The following PRPF31 variants were observed in gnomAD, a reference collection of about 807,000 sequenced individuals.
The protein encoded by PRPF31 is pre-mRNA processing factor 31, also known as U4/U6 small nuclear ribonucleoprotein Prp31.
Under a neutral mutation model 60.4 loss-of-function variants are expected in PRPF31, and 12 were observed. The ratio of observed to expected loss-of-function variants is 0.20; its 90% confidence interval spans 0.13 to 0.32. The LOEUF is 0.32. Ranked by LOEUF, PRPF31 falls within the 10% of genes least tolerant of loss-of-function variation. The pLI, the probability that PRPF31 is intolerant of heterozygous loss-of-function variation, is 1.00. For missense variants in PRPF31, 431 were observed against 687.1 expected, an observed-to-expected ratio of 0.63 and a Z score of 4.17; for synonymous variants, 287 against 287.9, an observed-to-expected ratio of 1.00 and a Z score of 0.03.
chr19:54,131,463 C>A lies in PRPF31; in HGVS notation c.*31C>A. The A allele has an allele frequency of 3.1e-6, 5 of 1,613,296 alleles. No individual in the cohort carries two copies. The highest frequency in any genetic ancestry group is 4.2e-6 in the Non-Finnish European group (5 of 1,179,662). On this transcript the variant is annotated 3_prime_UTR_variant, in exon 14 of 14. Coordinates refer to ENST00000321030, the MANE Select transcript of PRPF31 (RefSeq NM_015629.4). ...TGCGTGTGTCCAAGGTGGCTTCCCACTGAAGGGACACAGAGGTCCAGTCCT... is the reference window on the plus strand; with the variant it reads ...TGCGTGTGTCCAAGGTGGCTTCCCAATGAAGGGACACAGAGGTCCAGTCCT...
chr19:54,127,219 G>C (rs1402343382), intron 9 of PRPF31, among the ~76,000 whole-genome samples: 2 of 152,158 alleles, frequency 1.3e-5, no homozygotes, highest in African/African-American at 4.8e-5. Flanking sequence ...TGTCATCCTG[G>C]AGCGTTCCTT....
In PRPF31 at chr19:54,118,374, C is replaced by A. The variant is rs142560628; in HGVS notation, c.96C>A (p.Ile32=). 4 of 1,613,982 alleles carry A rather than the reference C, an allele frequency of 2.5e-6. No homozygotes were observed. The highest frequency in any genetic ancestry group is 3.4e-6 in the Non-Finnish European group (4 of 1,179,990). Residue 32 remains isoleucine, a synonymous_variant, in exon 2 of 14, where the codon ATC becomes ATA. Coordinates refer to ENST00000321030, the MANE Select transcript of PRPF31 (RefSeq NM_015629.4). ...GGGAGGAAGAAGAGGAGCCAGCGAT[C>A]GAGGATGTGCAGGAGGAGACACAGC... ...SYGEEEEEPA[I]EDVQEETQLD...
chr19:54,120,154 G>C (rs2073751688), intron 3 of PRPF31: 1 of 152,416 alleles, frequency 6.6e-6, no homozygotes. Context: ...CCCAGGGAAA[G>C]ACAGCGGCAG....
rs1281330863 is a variant in PRPF31 at position 54,129,017 on chromosome 19, C to G, written c.1147-40C>G. 4.5e-6 allele frequency: 7 copies of G among 1,550,430 alleles called. No individual in the cohort carries two copies. The African/African-American group carries it at 9.5e-5, about 21-fold the overall frequency. ...GTGCCTCGGTGGCTGGAGGGCAGGG[C>G]CTGGTCGCTGAACTGCAGGGCGCCT... On this transcript the variant is annotated intron_variant, in intron 11 of 13. Coordinates refer to ENST00000321030, the MANE Select transcript of PRPF31 (RefSeq NM_015629.4).
chr19:54,117,637 A>T (rs1000143142), intron 1 of PRPF31, among the ~76,000 whole-genome samples: 12 of 151,830 alleles, frequency 7.9e-5, no homozygotes, highest in Non-Finnish European at 1.8e-4. Context: ...ACTTGAGGTC[A>T]AGAGTTCAAG....
chr19:54,129,899 C>A (rs1179695253), intron 13 of PRPF31, among the ~76,000 whole-genome samples: 1 of 151,976 alleles, frequency 6.6e-6, no homozygotes, highest in African/African-American at 2.4e-5. Flanking sequence ...GCTCATCTGC[C>A]CAGTCAGCGG....
At chr19:54,127,996 C>T (rs587714632) in intron 9 of PRPF31, 77 bp from the exon 10 acceptor site, 42 of 1,542,594 alleles carry the variant, frequency 2.7e-5, no homozygotes, top group East Asian at 2.7e-4. Flanking sequence ...CGTGGATACT[C>T]GGGGGGCCCG....
At chr19:54,119,862 TGTA>T (rs1272819026) in intron 3 of PRPF31, 1 of 152,072 alleles carries the variant, frequency 6.6e-6, no homozygotes, top group Non-Finnish European at 1.5e-5. Context: ...GGGAAAGAAG[TGTA>T]GTGAGAGGGC....
chr19:54,127,704 G>A (rs2073952834), intron 9 of PRPF31, among the ~76,000 whole-genome samples: 2 of 152,322 alleles, frequency 1.3e-5, no homozygotes, highest in East Asian at 1.9e-4. Context: ...CTTGTGAACT[G>A]TCGTTTGCCA....
At chr19:54,122,648 T>C in intron 5 of PRPF31, 54 bp downstream of exon 5, 1 of 1,436,056 alleles carries the variant, frequency 7.0e-7, no homozygotes, top group Non-Finnish European at 9.8e-7. Context: ...CAGGCGGGGC[T>C]CACTCTCGGA....
chr19:54,123,573 C>T lies in PRPF31; in HGVS notation c.527+13C>T, dbSNP rs768126582. ...CCACCACCCAGGGGTATGTCCGCTT[C>T]GAGGGAGGCGCCGGGCCCTAATGGG... On this transcript the variant is annotated intron_variant, in intron 6 of 13. Coordinates refer to ENST00000321030, the MANE Select transcript of PRPF31 (RefSeq NM_015629.4). 59 of 1,613,078 alleles carry T rather than the reference C, an allele frequency of 3.7e-5. No homozygotes were observed. Among genetic ancestry groups the T allele is most frequent in the South Asian group, 2.5e-4 (23 of 91,074 alleles).
chr19:54,118,958 A>G (rs1436073046), intron 3 of PRPF31: 3 of 402,764 alleles, frequency 7.4e-6, no homozygotes, highest in East Asian at 3.8e-5. Context: ...TTTGCTTAAC[A>G]TATTCTTTGA....
chr19:54,116,421 G>T (rs587606984), intron 1 of PRPF31, among the ~76,000 whole-genome samples: 1 of 151,492 alleles, frequency 6.6e-6, no homozygotes, highest in East Asian at 2.0e-4. Flanking sequence ...GGCCAGGCTG[G>T]TCTCCAACTC....
intron 3 of PRPF31, 78 bp from the exon 4 acceptor site, chr19:54,121,782 C>A: frequency 7.1e-7 from 1 of 1,405,402 alleles, no homozygotes; most frequent in Non-Finnish European, 9.8e-7. Flanking sequence ...CAACTTCATC[C>A]TCCGCCTCCT....
chr19:54,123,400 T>G, intron 5 of PRPF31, 54 bp from the exon 6 acceptor site: 1 of 1,370,550 alleles, frequency 7.3e-7, no homozygotes, highest in Non-Finnish European at 1.0e-6. Context: ...CAAGAGAGGT[T>G]CTCGAGCCTT....
intron 13 of PRPF31, among the ~76,000 whole-genome samples, chr19:54,129,846 C>T (rs1006936429): frequency 7.9e-5 from 12 of 151,840 alleles, no homozygotes; most frequent in African/African-American, 2.9e-4. Flanking sequence ...TTACCATCCA[C>T]AGAGCAGGGC....
At chr19:54,130,027 A>T (rs2074014870) in intron 13 of PRPF31, among the ~76,000 whole-genome samples, 1 of 152,046 alleles carries the variant, frequency 6.6e-6, no homozygotes, top group Non-Finnish European at 1.5e-5. Flanking sequence ...CAGACAGCTC[A>T]GTAAGATGTC....
chr19:54,124,537 G>T lies in PRPF31; in HGVS notation c.736G>T (p.Ala246Ser), dbSNP rs1186135759. 2 of 1,610,360 alleles carry T rather than the reference G, an allele frequency of 1.2e-6. No homozygotes were observed. Among genetic ancestry groups the T allele is most frequent in the South Asian group, 2.2e-5 (2 of 91,030 alleles). Residue 246 changes from alanine (A) to serine (S), a missense_variant, in exon 8 of 14, where the codon GCC becomes TCC. By Grantham distance (99) the Ala-to-Ser change is moderately conservative. Around this residue, in one of 4 missense-constraint regions of PRPF31, gnomAD observed 314 missense variants for 475.3 expected, o/e 0.66. Coordinates refer to ENST00000321030, the MANE Select transcript of PRPF31 (RefSeq NM_015629.4). The stretch of plus-strand genomic sequence containing the variant: ...CCTGACCAACCTCTCCAAGATGCCC[G>T]CCTGCAACATCATGCTGCTCGGGGC... ...GGLTNLSKMP[A>S]CNIMLLGAQR... is the part of the protein sequence containing the mutation.
chr19:54,125,018 AC>A (rs35587860), intron 8 of PRPF31: 2 of 401,526 alleles, frequency 5.0e-6, no homozygotes, highest in Non-Finnish European at 9.4e-6. Flanking sequence ...TCCGAAGACC[AC>A]CCTCAGGTTT....
Sources: allele counts gnomAD v4.1 joint callset (sites outside exome capture counted in the v4.1 genomes callset), GRCh38; gene constraint gnomAD v4.1.1; regional missense constraint gnomAD v4.1.1; transcripts MANE v1.5; gene names NCBI Gene and HGNC (gene_info 2026-07-23, HGNC 2026-07-21).